The following METTL15 variants were observed in gnomAD, a reference collection of about 807,000 sequenced individuals.
METTL15 encodes methyltransferase 15, mitochondrial 12S rRNA N4-cytidine, also known as 12S rRNA N(4)-cytidine methyltransferase METTL15.
In METTL15, 34 loss-of-function variants were observed where a neutral mutation model predicts 38.3. The ratio of observed to expected loss-of-function variants is 0.89; its 90% CI spans 0.68 to 1.18. The LOEUF is 1.18. Ranked by LOEUF, METTL15 falls within the 50% of genes most tolerant of loss-of-function variation. METTL15 has a pLI of 0.00. For synonymous variants in METTL15, 162 were observed against 170.9 expected (o/e 0.95, Z 0.41); for missense variants, 438 against 498.4 (o/e 0.88, Z 1.15).
intron 6 of METTL15, among the ~76,000 whole-genome samples, chr11:28,298,098 A>T (rs1856800019): frequency 6.6e-6 from 1 of 152,028 alleles, no homozygotes; most frequent in African/African-American, 2.4e-5. Flanking sequence ...TTCTTTAGGC[A>T]AGTTTAAGAG....
chr11:28,361,192 G>C (rs1400634673), intron 4 of METTL15, among the ~76,000 whole-genome samples: 14 of 150,168 alleles, frequency 9.3e-5, no homozygotes, highest in Non-Finnish European at 3.0e-5. Flanking sequence ...GGATGGCTGG[G>C]TCAAATGGTA....
intron 5 of METTL15, 138 bp downstream of exon 5, chr11:28,290,535 G>T: frequency 1.3e-6 from 1 of 752,102 alleles, no homozygotes. Flanking sequence ...AAATCAGTTT[G>T]TTTCATACTC....
At chr11:28,393,698 C>T (rs1850536513) in intron 5 of METTL15, among the ~76,000 whole-genome samples, 1 of 152,050 alleles carries the variant, frequency 6.6e-6, no homozygotes, top group Non-Finnish European at 1.5e-5. Flanking sequence ...GCCATAATGC[C>T]TTTTATGATC....
chr11:28,485,845 T>C (rs1477244204), intron 6 of METTL15, among the ~76,000 whole-genome samples: 1 of 152,138 alleles, frequency 6.6e-6, no homozygotes, highest in African/African-American at 2.4e-5. Context: ...AGAGGGCTCT[T>C]TCTGGCTTGC....
intron 4 of METTL15, among the ~76,000 whole-genome samples, chr11:28,264,863 A>C (rs1384102126): frequency 6.6e-6 from 1 of 152,166 alleles, no homozygotes; most frequent in Non-Finnish European, 1.5e-5. Context: ...GATCTTTTGT[A>C]ATATTTAAGT....
At chr11:28,147,728 A>G (rs1048998021) in intron 3 of METTL15, among the ~76,000 whole-genome samples, 3 of 151,804 alleles carry the variant, frequency 2.0e-5, no homozygotes, top group Non-Finnish European at 4.4e-5. Flanking sequence ...AGCATAATCT[A>G]TCCTTCTCTT....
intron 3 of METTL15, among the ~76,000 whole-genome samples, chr11:28,191,058 A>G (rs1041384777): frequency 2.0e-5 from 3 of 151,432 alleles, no homozygotes; most frequent in African/African-American, 7.2e-5. Flanking sequence ...TACTTCTTTC[A>G]TATGATTATT....
chr11:28,250,566 T>TTA (rs1293032931), intron 4 of METTL15, among the ~76,000 whole-genome samples: 2 of 151,590 alleles, frequency 1.3e-5, no homozygotes, highest in African/African-American at 4.8e-5. Flanking sequence ...CTCCTTTTTT[T>TTA]AAAAAAAAAA....
At chr11:28,379,542 C>G (rs1190339627) in intron 5 of METTL15, among the ~76,000 whole-genome samples, 2 of 152,024 alleles carry the variant, frequency 1.3e-5, no homozygotes, top group Non-Finnish European at 2.9e-5. Context: ...TTATTAAATT[C>G]TAGTTTTATT....
At chr11:28,486,548 C>G (rs916610180) in intron 6 of METTL15, among the ~76,000 whole-genome samples, 1 of 152,088 alleles carries the variant, frequency 6.6e-6, no homozygotes, top group Non-Finnish European at 1.5e-5. Flanking sequence ...TTCTGTTTAG[C>G]CTGATGCTGC....
intron 6 of METTL15, among the ~76,000 whole-genome samples, chr11:28,520,510 C>A (rs574390288): frequency 6.6e-6 from 1 of 152,220 alleles, no homozygotes; most frequent in South Asian, 2.1e-4. Context: ...CTGGTGCCAG[C>A]CTTGCCACCC....
intron 4 of METTL15, among the ~76,000 whole-genome samples, chr11:28,232,868 G>C (rs1285793560): frequency 6.6e-6 from 1 of 151,848 alleles, no homozygotes; most frequent in Non-Finnish European, 1.5e-5. Flanking sequence ...GCTCGTCAAA[G>C]GATTTCCACC....
At chr11:28,186,513 T>C (rs1291553080) in intron 3 of METTL15, among the ~76,000 whole-genome samples, 1 of 151,124 alleles carries the variant, frequency 6.6e-6, no homozygotes, top group Non-Finnish European at 1.5e-5. Context: ...CCCCTTGGGA[T>C]AAAAATAGTG....
At chr11:28,178,223 C>A (rs1851148683) in intron 3 of METTL15, among the ~76,000 whole-genome samples, 1 of 151,842 alleles carries the variant, frequency 6.6e-6, no homozygotes, top group Non-Finnish European at 1.5e-5. Context: ...TCCTCATAAA[C>A]CAGCATTCTT....
At chr11:28,282,009 A>G (rs542533373) in intron 4 of METTL15, among the ~76,000 whole-genome samples, 16 of 152,358 alleles carry the variant, frequency 1.1e-4, no homozygotes, top group Admixed American at 7.8e-4. Context: ...GTGAGCTACA[A>G]ATGAATGACT....
chr11:28,193,594 A>C (rs896722522), intron 3 of METTL15, among the ~76,000 whole-genome samples: 1 of 152,066 alleles, frequency 6.6e-6, no homozygotes, highest in Non-Finnish European at 1.5e-5. Context: ...CACAGATCCA[A>C]ACCATATCAC....
chr11:28,481,200 T>G (rs542004291), intron 6 of METTL15, among the ~76,000 whole-genome samples: 13 of 152,214 alleles, frequency 8.5e-5, no homozygotes, highest in African/African-American at 2.4e-4. Context: ...TCAGAAAAAT[T>G]TATTTAGTCT....
intron 4 of METTL15, among the ~76,000 whole-genome samples, chr11:28,280,603 T>C (rs986319990): frequency 8.6e-5 from 13 of 151,902 alleles, no homozygotes; most frequent in African/African-American, 3.1e-4. Context: ...ACTCCATTCT[T>C]TCTTTCCTCT....
At chr11:28,113,748 C>A in intron 3 of METTL15, 144 bp downstream of exon 3, 1 of 817,260 alleles carries the variant, frequency 1.2e-6, no homozygotes. Context: ...GAAAGTGATA[C>A]ACATTCAGTA....
Sources: gnomAD v4.1 joint callset for allele counts (sites outside exome capture counted in the v4.1 genomes callset) on GRCh38, gnomAD v4.1.1 for gene constraint, MANE v1.5 for transcripts, NCBI Gene and HGNC (gene_info 2026-07-23, HGNC 2026-07-21) for gene names.